The following BCAR3 variants were observed in gnomAD, a reference collection of about 807,000 sequenced individuals.
BCAR3 encodes breast cancer anti-estrogen resistance protein 3.
In BCAR3, 37 loss-of-function variants were observed where a neutral mutation model predicts 80.1. The observed-to-expected ratio is 0.46, with a 90% CI of 0.36 to 0.61. BCAR3 has a LOEUF of 0.61. Ranked by LOEUF, BCAR3 falls within the 20% of genes least tolerant of loss-of-function variation. BCAR3 has a pLI of 0.00. For synonymous variants in BCAR3, 389 were observed against 418.9 expected (o/e 0.93, Z 0.87); for missense variants, 978 against 1,068.2 (o/e 0.92, Z 1.18).
chr1:93,823,471 C>T (rs1179360502), intron 2 of BCAR3, among the ~76,000 whole-genome samples: 1 of 132,620 alleles, frequency 7.5e-6, no homozygotes, highest in Non-Finnish European at 1.7e-5. Flanking sequence ...TCTTCCTTTT[C>T]CCTTCCACTC....
chr1:93,674,018 T>C (rs1416422113), intron 2 of BCAR3, among the ~76,000 whole-genome samples: 1 of 151,970 alleles, frequency 6.6e-6, no homozygotes, highest in East Asian at 1.9e-4. Flanking sequence ...GGTGTTATAG[T>C]TTTTTTTACA....
chr1:93,714,006 G>A (rs1055934200), intron 2 of BCAR3, among the ~76,000 whole-genome samples: 2 of 151,900 alleles, frequency 1.3e-5, no homozygotes, highest in African/African-American at 2.4e-5. Context: ...TTTTTGAGAT[G>A]GAGTCTCGCT....
At chr1:93,758,345 T>C (rs557603879) in intron 2 of BCAR3, among the ~76,000 whole-genome samples, 2 of 152,172 alleles carry the variant, frequency 1.3e-5, no homozygotes, top group Non-Finnish European at 2.9e-5. Context: ...CAGGGAGCCC[T>C]GCCAGTGGCT....
chr1:93,700,673 C>T (rs1308685622), intron 3 of BCAR3, among the ~76,000 whole-genome samples: 1 of 152,162 alleles, frequency 6.6e-6, no homozygotes, highest in East Asian at 1.9e-4. Context: ...TAGTAGCACT[C>T]CGGCAACGAC....
intron 3 of BCAR3, among the ~76,000 whole-genome samples, chr1:93,635,138 C>A (rs537496091): frequency 6.6e-6 from 1 of 151,876 alleles, no homozygotes; most frequent in Non-Finnish European, 1.5e-5. Context: ...GAGGATCACC[C>A]GAGACCAGAA....
chr1:93,718,696 T>C (rs1029350450), intron 2 of BCAR3, among the ~76,000 whole-genome samples: 154 of 111,438 alleles, frequency 1.4e-3, no homozygotes, highest in Admixed American at 1.6e-3. Flanking sequence ...TTCTTTTTTT[T>C]TTTTTTTTTT....
chr1:93,774,483 C>CAA (rs368408896), intron 2 of BCAR3, among the ~76,000 whole-genome samples: 2,382 of 124,404 alleles, frequency 0.019, 33 homozygotes, highest in Non-Finnish European at 0.028. Flanking sequence ...GATTCTGTTT[C>CAA]AAAAAAAAAA....
intron 2 of BCAR3, among the ~76,000 whole-genome samples, chr1:93,652,884 A>G (rs1056091638): frequency 3.3e-5 from 5 of 152,346 alleles, no homozygotes; most frequent in Admixed American, 3.3e-4. Context: ...TGGTTAAATC[A>G]TTCTTTCCAG....
chr1:93,814,812 A>G (rs934153019), intron 2 of BCAR3, among the ~76,000 whole-genome samples: 23 of 152,210 alleles, frequency 1.5e-4, no homozygotes, highest in Non-Finnish European at 8.8e-5. Context: ...CCCACAAACC[A>G]GGCATCAAAC....
intron 3 of BCAR3, among the ~76,000 whole-genome samples, chr1:93,690,253 G>C (rs1203808539): frequency 3.9e-5 from 6 of 152,128 alleles, no homozygotes; most frequent in African/African-American, 1.4e-4. Context: ...AAGCTGACTG[G>C]TGAGCACAAA....
At chr1:93,727,789 C>T (rs540416530) in intron 2 of BCAR3, among the ~76,000 whole-genome samples, 2 of 152,176 alleles carry the variant, frequency 1.3e-5, no homozygotes, top group East Asian at 1.9e-4. Context: ...GAATAGTGGC[C>T]CCCCCAAAAG....
chr1:93,636,396 C>T (rs1367007530), intron 3 of BCAR3, among the ~76,000 whole-genome samples: 3 of 152,158 alleles, frequency 2.0e-5, no homozygotes, highest in African/African-American at 4.8e-5. Context: ...AGAGGACATG[C>T]GTTCACTAGG....
chr1:93,694,409 GCTTCACA>G (rs1649312921), intron 3 of BCAR3, among the ~76,000 whole-genome samples: 1 of 152,174 alleles, frequency 6.6e-6, no homozygotes, highest in African/African-American at 2.4e-5. Flanking sequence ...ACTCCAGAGT[GCTTCACA>G]TCACATCATT....
chr1:93,638,121 C>T (rs931270665), intron 3 of BCAR3, among the ~76,000 whole-genome samples: 19 of 152,272 alleles, frequency 1.2e-4, no homozygotes, highest in African/African-American at 3.6e-4. Context: ...TGGTGGCAGA[C>T]GCCTGTAGTT....
At chr1:93,821,760 A>C (rs1654232247) in intron 2 of BCAR3, among the ~76,000 whole-genome samples, 1 of 152,198 alleles carries the variant, frequency 6.6e-6, no homozygotes, top group Non-Finnish European at 1.5e-5. Flanking sequence ...CATACCTTAT[A>C]ATCATCACAA....
intron 2 of BCAR3, among the ~76,000 whole-genome samples, chr1:93,658,751 C>G (rs574371385): frequency 3.7e-4 from 56 of 152,338 alleles, no homozygotes; most frequent in African/African-American, 1.3e-3. Context: ...AGAAGGCTTA[C>G]ATGTCTTGGA....
chr1:93,776,700 CT>C (rs2100750638), intron 2 of BCAR3, among the ~76,000 whole-genome samples: 1 of 152,202 alleles, frequency 6.6e-6, no homozygotes, highest in East Asian at 1.9e-4. Flanking sequence ...TTTAACATGC[CT>C]TTTTGTACTC....
At chr1:93,826,812 G>A (rs1422772673) in intron 2 of BCAR3, among the ~76,000 whole-genome samples, 1 of 152,106 alleles carries the variant, frequency 6.6e-6, no homozygotes, top group Non-Finnish European at 1.5e-5. Flanking sequence ...GTGTGTGCGT[G>A]CATGTGTGCA....
intron 3 of BCAR3, among the ~76,000 whole-genome samples, chr1:93,598,566 G>C (rs1674516608): frequency 6.6e-6 from 1 of 152,170 alleles, no homozygotes; most frequent in Admixed American, 6.6e-5. Context: ...TGGATGCACT[G>C]GTCCCTGCCC....
Sources: gnomAD v4.1 joint callset for allele counts (sites outside exome capture counted in the v4.1 genomes callset) on GRCh38, gnomAD v4.1.1 for gene constraint, MANE v1.5 for transcripts, NCBI Gene and HGNC (gene_info 2026-07-23, HGNC 2026-07-21) for gene names.